The following CAST variants were observed in gnomAD, a reference collection of about 807,000 sequenced individuals.
The protein encoded by CAST is MIR583 host.
A neutral mutation model predicts 119.6 loss-of-function variants in CAST; 76 were observed. The ratio of observed to expected loss-of-function variants is 0.64; its 90% CI spans 0.53 to 0.77. The LOEUF is 0.77. CAST is among the 30% of genes least tolerant of loss of function. The pLI is 0.00. For missense variants in CAST, 953 were observed against 946.5 expected (o/e 1.01, Z -0.09); for synonymous variants, 319 against 331.6 (o/e 0.96, Z 0.41).
At chr5:96,742,510 G>T (rs537537164) in intron 15 of CAST, 145 bp from the exon 16 acceptor site, 47 of 612,256 alleles carry the variant, frequency 7.7e-5, no homozygotes, top group African/African-American at 6.1e-4. Flanking sequence ...TCTTTTGCAA[G>T]GTTTCAAATA....
At position 96,754,676 on chromosome 5, in the gene CAST, G is replaced by A; in HGVS notation, c.1645G>A (p.Asp549Asn). 6.2e-7 allele frequency: 1 copy of A among 1,607,058 alleles called. No homozygotes were observed. The highest frequency in any genetic ancestry group is 8.5e-7 in the Non-Finnish European group (1 of 1,174,788). ...TTCTCAGGAGAAGGCCAAAGAAGAA[G>A]ACCGTGAAAAGCTTGGTGAAAAAGA... is the stretch of plus-strand genomic sequence containing the variant. ...DKVKEKAKEE[D>N]REKLGEKEET... is the part of the protein sequence containing the mutation. The change falls in exon 22 of 32, where the codon GAC (aspartate) becomes AAC (asparagine). Residue 549 changes from aspartate (D) to asparagine (N), a missense_variant. By Grantham distance (23) the Asp-to-Asn change is conservative. Coordinates refer to ENST00000675179, the MANE Select transcript of CAST (RefSeq NM_001750.7).
rs570144107 is a variant in CAST at position 96,699,974 on chromosome 5, A to C, written c.210+4067A>C. Among the ~76,000 whole-genome samples, 3 of 152,324 alleles carry C rather than the reference A, an allele frequency of 2.0e-5. No homozygotes were observed. In the East Asian group the frequency reaches 5.8e-4, roughly 29 times the overall value. On this transcript the variant is annotated intron_variant, in intron 3 of 31. Coordinates refer to ENST00000675179, the MANE Select transcript of CAST (RefSeq NM_001750.7). The stretch of plus-strand genomic sequence containing the variant: ...GGAGGAGATCTATGAAGGAATAAGC[A>C]CCTATCAGAGAAATACTTTCGTGAT...
chr5:96,627,155 A>G (rs1258161960), intron 1 of CAST, among the ~76,000 whole-genome samples: 4 of 152,214 alleles, frequency 2.6e-5, no homozygotes, highest in African/African-American at 9.7e-5. Context: ...ATAGGAGTCC[A>G]ATGGCTCCAT....
At chr5:96,464,863 T>A in the CAST span, among the ~76,000 whole-genome samples, 739 of 152,184 alleles carry the variant, frequency 4.9e-3, 8 homozygotes, top group African/African-American at 0.017. Context: ...GCTCCCAAGT[T>A]GTTCTTTGGG....
chr5:96,561,128 C>G (rs1418689807), intron 1 of CAST, among the ~76,000 whole-genome samples: 1 of 147,466 alleles, frequency 6.8e-6, no homozygotes, highest in African/African-American at 2.5e-5. Context: ...CACATGTTCT[C>G]ACTCACAGAT....
At chr5:96,471,764 CTGTGTG>C in the CAST span, among the ~76,000 whole-genome samples, 4 of 70,650 alleles carry the variant, frequency 5.7e-5, no homozygotes, top group South Asian at 3.7e-4. Flanking sequence ...CAAATGGAGT[CTGTGTG>C]TGTGTGTGTG....
At chr5:96,060,335 G>A in the CAST span, among the ~76,000 whole-genome samples, 2 of 152,084 alleles carry the variant, frequency 1.3e-5, no homozygotes, top group African/African-American at 4.8e-5. Context: ...ACAATAAATG[G>A]CAAGTATGTT....
chr5:96,053,609 A>G, the CAST span, among the ~76,000 whole-genome samples: 3 of 152,234 alleles, frequency 2.0e-5, no homozygotes, highest in Non-Finnish European at 1.5e-5. Context: ...CAACTGCAGC[A>G]TGACATAAGC....
At chr5:96,597,087 A>G (rs1293010011) in intron 1 of CAST, among the ~76,000 whole-genome samples, 1 of 152,220 alleles carries the variant, frequency 6.6e-6, no homozygotes, top group Non-Finnish European at 1.5e-5. Flanking sequence ...TGGGGGACAC[A>G]GTTTAGTCCA....
chr5:96,366,253 G>A, the CAST span, among the ~76,000 whole-genome samples: 6 of 152,052 alleles, frequency 3.9e-5, no homozygotes, highest in African/African-American at 1.2e-4. Flanking sequence ...CTCTGGCTGC[G>A]CTTAACATTT....
intron 1 of CAST, among the ~76,000 whole-genome samples, chr5:96,578,422 A>G (rs1448124143): frequency 6.6e-6 from 1 of 151,762 alleles, no homozygotes; most frequent in Non-Finnish European, 1.5e-5. Flanking sequence ...TGATTGGTAT[A>G]TTTAGACAAT....
At chr5:96,278,393 C>T in the CAST span, among the ~76,000 whole-genome samples, 9 of 152,100 alleles carry the variant, frequency 5.9e-5, no homozygotes, top group East Asian at 1.9e-4. Flanking sequence ...GAGAACACTC[C>T]GGAAACCATG....
chr5:96,679,077 G>A (rs1162985166), intron 2 of CAST, among the ~76,000 whole-genome samples: 1 of 151,658 alleles, frequency 6.6e-6, no homozygotes, highest in African/African-American at 2.4e-5. Flanking sequence ...ATGGCTCACC[G>A]CAGCTTTGAC....
At chr5:96,079,187 G>A in the CAST span, 2 of 468,744 alleles carry the variant, frequency 4.3e-6, no homozygotes, top group South Asian at 1.6e-5. Flanking sequence ...AGGGATCTTA[G>A]CAGTACTGGG....
the CAST span, among the ~76,000 whole-genome samples, chr5:96,170,574 A>G: frequency 6.6e-6 from 1 of 152,192 alleles, no homozygotes; most frequent in Non-Finnish European, 1.5e-5. Context: ...TTGGAGCTTT[A>G]TTTAATGTCG....
chr5:96,773,964 C>G lies in CAST; in HGVS notation c.*1348C>G, dbSNP rs981079147. On this transcript the variant is annotated 3_prime_UTR_variant, in exon 32 of 32. Coordinates refer to ENST00000675179, the MANE Select transcript of CAST (RefSeq NM_001750.7). ...GCACCACATCTTGTTAACCTCCCCC[C>G]CAAATACTCTCTGAAAGTCATGCAC... The G allele has an allele frequency of 6.6e-6, 1 of 152,162 alleles. No individual in the cohort carries two copies. The highest frequency in any genetic ancestry group is 2.4e-5 in the African/African-American group (1 of 41,300). The allele number at this position is 152,162 out of a possible 1,614,324, so 9.4% of individuals were successfully genotyped here.
chr5:96,275,399 T>C, the CAST span, among the ~76,000 whole-genome samples: 5 of 152,248 alleles, frequency 3.3e-5, no homozygotes, highest in Non-Finnish European at 7.3e-5. Context: ...AATACAGCTA[T>C]GTATTCTTCA....
At chr5:96,407,004 TA>T in the CAST span, among the ~76,000 whole-genome samples, 1 of 152,188 alleles carries the variant, frequency 6.6e-6, no homozygotes, top group African/African-American at 2.4e-5. Flanking sequence ...AAAAAAAAGT[TA>T]AATCTTTTTT....
At chr5:96,201,581 T>A in the CAST span, among the ~76,000 whole-genome samples, 1 of 152,062 alleles carries the variant, frequency 6.6e-6, no homozygotes, top group Admixed American at 6.6e-5. Flanking sequence ...CCCCAATGTG[T>A]CCACTCATCC....
Sources: gnomAD v4.1 joint callset for allele counts (sites outside exome capture counted in the v4.1 genomes callset) on GRCh38, gnomAD v4.1.1 for gene constraint, MANE v1.5 for transcripts, NCBI Gene and HGNC (gene_info 2026-07-23, HGNC 2026-07-21) for gene names.